The following CUL1 variants were observed in gnomAD, a reference collection of about 807,000 sequenced individuals.
The protein encoded by CUL1 is cullin 1.
CUL1 carries 24 observed loss-of-function variants against 118.0 expected under a neutral mutation model. The observed-to-expected ratio is 0.20, with a 90% CI of 0.15 to 0.29. The LOEUF is 0.29. CUL1 is among the 10% of genes least tolerant of loss of function. The pLI is 1.00. For missense variants in CUL1, 361 were observed against 933.8 expected, an observed-to-expected ratio of 0.39 and a Z score of 7.99; for synonymous variants, 332 against 340.4, an observed-to-expected ratio of 0.98 and a Z score of 0.27.
intron 7 of CUL1, among the ~76,000 whole-genome samples, chr7:148,766,271 A>G (rs543969858): frequency 1.3e-5 from 2 of 152,044 alleles, no homozygotes; most frequent in South Asian, 4.2e-4. Flanking sequence ...GCTAGGAAGG[A>G]CTACAGGCGC....
chr7:148,763,748 G>A (rs1355643374), intron 7 of CUL1, among the ~76,000 whole-genome samples: 1 of 152,152 alleles, frequency 6.6e-6, no homozygotes, highest in East Asian at 1.9e-4. Context: ...AAAACCACAG[G>A]ATAAAGGGTG....
In CUL1 at chr7:148,788,797, G is replaced by A. The variant is rs144195464; in HGVS notation, c.1597+123G>A. On this transcript the variant is annotated intron_variant, in intron 14 of 21. Transcript: ENST00000325222. ...GTCAGAAATTCAAGAACTAAGAAGC[G>A]GGAGATTCCTCCCAAATGCCCAGCC... 1,591 of 704,130 alleles carry A rather than the reference G, an allele frequency of 2.3e-3. 4 individuals carry two copies. The highest frequency in any genetic ancestry group is 6.2e-3 in the Middle Eastern group (21 of 3,388). 43.6% of individuals were successfully genotyped at this position (704,130 alleles called of 1,614,324 possible).
chr7:148,798,062 C>T (rs371303095), intron 19 of CUL1, 43 bp downstream of exon 19: 38 of 1,196,452 alleles, frequency 3.2e-5, no homozygotes, highest in East Asian at 2.0e-4. Context: ...ACCATAGACA[C>T]GTCCCCCGGG....
At chr7:148,776,353 T>G (rs1800401326) in intron 9 of CUL1, among the ~76,000 whole-genome samples, 1 of 126,820 alleles carries the variant, frequency 7.9e-6, no homozygotes, top group Non-Finnish European at 1.6e-5. Flanking sequence ...GTCTCACTCT[T>G]TCACCCAGGC....
intron 9 of CUL1, among the ~76,000 whole-genome samples, chr7:148,773,194 A>G (rs1179993162): frequency 6.6e-6 from 1 of 152,150 alleles, no homozygotes; most frequent in East Asian, 1.9e-4. Context: ...TTGTGATAAT[A>G]TAAATCATAA....
At chr7:148,766,301 T>A (rs1004306289) in intron 7 of CUL1, among the ~76,000 whole-genome samples, 8 of 152,030 alleles carry the variant, frequency 5.3e-5, no homozygotes, top group Non-Finnish European at 1.2e-4. Context: ...CTGGCTAATT[T>A]TTTTTTTAGA....
chr7:148,701,292 T>C (rs1797715369), intron 1 of CUL1, among the ~76,000 whole-genome samples: 1 of 152,140 alleles, frequency 6.6e-6, no homozygotes, highest in Admixed American at 6.5e-5. Context: ...TCGAGTAAAA[T>C]TGATCGTCTC....
chr7:148,783,945 C>T (rs373113352), intron 10 of CUL1, 26 bp from the exon 11 acceptor site: 39 of 1,613,600 alleles, frequency 2.4e-5, no homozygotes, highest in Non-Finnish European at 2.6e-5. Flanking sequence ...GGGCGTTTGT[C>T]TCTAACTATA....
chr7:148,786,928 G>C, intron 12 of CUL1, 61 bp from the exon 13 acceptor site: 1 of 1,580,186 alleles, frequency 6.3e-7, no homozygotes, highest in Non-Finnish European at 8.6e-7. Flanking sequence ...GTGACAGTCA[G>C]CTCTGCACTG....
intron 1 of CUL1, among the ~76,000 whole-genome samples, chr7:148,700,843 C>T (rs939329802): frequency 4.6e-5 from 7 of 152,186 alleles, no homozygotes; most frequent in Non-Finnish European, 8.8e-5. Context: ...ATAAAAGCCT[C>T]CCTCCCTGAG....
At chr7:148,736,814 T>G (rs1798959529) in intron 2 of CUL1, among the ~76,000 whole-genome samples, 1 of 152,232 alleles carries the variant, frequency 6.6e-6, no homozygotes. Flanking sequence ...TGGAATAATG[T>G]TCATAATATA....
intron 10 of CUL1, 40 bp from the exon 11 acceptor site, chr7:148,783,931 G>T (rs760020135): frequency 1.5e-5 from 25 of 1,613,300 alleles, no homozygotes; most frequent in East Asian, 2.2e-5. Context: ...AGTATGTATG[G>T]ATGGGGCGTT....
chr7:148,726,999 G>A (rs536521486), intron 1 of CUL1, among the ~76,000 whole-genome samples: 26 of 152,152 alleles, frequency 1.7e-4, no homozygotes, highest in African/African-American at 6.3e-4. Flanking sequence ...GCAACAGAGT[G>A]ATACCCTATT....
intron 1 of CUL1, among the ~76,000 whole-genome samples, chr7:148,717,689 C>T (rs1798260316): frequency 6.6e-6 from 1 of 152,104 alleles, no homozygotes; most frequent in Non-Finnish European, 1.5e-5. Context: ...AATCCTTCAC[C>T]GGGCTCCTGT....
intron 2 of CUL1, among the ~76,000 whole-genome samples, chr7:148,733,275 G>A (rs1464384182): frequency 6.6e-6 from 1 of 152,194 alleles, no homozygotes; most frequent in East Asian, 1.9e-4. Context: ...TAGGGTAGAA[G>A]TGAAACAGTA....
intron 20 of CUL1, 143 bp downstream of exon 20, chr7:148,798,820 C>A: frequency 1.4e-6 from 1 of 718,136 alleles, no homozygotes; most frequent in Non-Finnish European, 2.5e-6. Context: ...GTGGCAAGGC[C>A]GAGAGCCAGG....
In CUL1 at chr7:148,757,149, C is replaced by T. The variant is rs760900206; in HGVS notation, c.482C>T (p.Ser161Leu). Residue 161 changes from serine to leucine, a missense_variant and splice_region_variant, in exon 4 of 22, where the codon TCG becomes TTG. By Grantham distance (145) the Ser-to-Leu change is moderately radical. This residue lies in a region of CUL1 where 169 missense variants were observed against 429.7 expected (regional missense o/e 0.39). Transcript: ENST00000325222. ...EGRKGIYEIY[S>L]LALVTWRDCL... Reference sequence around the variant, plus strand: ...CGAAAAGGAATATATGAAATCTATTCGGTAAGAGTTTTGTTTTAAAACGTT... The same window carrying T: ...CGAAAAGGAATATATGAAATCTATTTGGTAAGAGTTTTGTTTTAAAACGTT... 3.3e-6 allele frequency: 5 copies of T among 1,494,144 alleles called. No homozygotes were observed. The highest frequency in any genetic ancestry group is 1.4e-5 in the African/African-American group (1 of 70,502). The allele number at this position is 1,494,144 out of a possible 1,614,324, so 92.6% of individuals were successfully genotyped here.
chr7:148,742,760 C>G (rs969330710), intron 2 of CUL1, among the ~76,000 whole-genome samples: 1 of 151,962 alleles, frequency 6.6e-6, no homozygotes, highest in Admixed American at 6.6e-5. Flanking sequence ...CACCACCACG[C>G]CCAGCTAATT....
At chr7:148,739,655 C>G (rs905068463) in intron 2 of CUL1, among the ~76,000 whole-genome samples, 8 of 152,134 alleles carry the variant, frequency 5.3e-5, no homozygotes, top group Non-Finnish European at 1.0e-4. Flanking sequence ...ATATATTTTG[C>G]TAATATTTTC....
Sources: allele counts gnomAD v4.1 joint callset (sites outside exome capture counted in the v4.1 genomes callset), GRCh38; gene constraint gnomAD v4.1.1; regional missense constraint gnomAD v4.1.1; transcripts MANE v1.5; gene names NCBI Gene and HGNC (gene_info 2026-07-23, HGNC 2026-07-21).